NRG3: variants seen among roughly 807,000 people sequenced by gnomAD.
The protein encoded by NRG3 is neuregulin 3.
NRG3 carries 31 observed loss-of-function variants against 66.9 expected under a neutral mutation model. The observed-to-expected ratio is 0.46, with a 90% CI of 0.35 to 0.63. The LOEUF (loss-of-function observed/expected upper bound fraction) is 0.63, where lower values mean the gene tolerates loss of function less well. Among genes scored for constraint, NRG3 ranks in the 20% least tolerant of loss-of-function variants. The pLI, the probability that NRG3 is intolerant of heterozygous loss-of-function variation, is 0.00. For synonymous variants in NRG3, 393 were observed against 359.4 expected (o/e 1.09, Z -1.06); for missense variants, 910 against 878.9 (o/e 1.04, Z -0.45).
intron 1 of NRG3, among the ~76,000 whole-genome samples, chr10:82,208,925 T>C (rs993985457): frequency 6.6e-6 from 1 of 152,156 alleles, no homozygotes; most frequent in Non-Finnish European, 1.5e-5. Context: ...ATATGGTCCA[T>C]GTTCATCAGC....
chr10:82,264,657 C>G (rs933959925), intron 1 of NRG3, among the ~76,000 whole-genome samples: 1 of 152,082 alleles, frequency 6.6e-6, no homozygotes, highest in African/African-American at 2.4e-5. Context: ...GAAGATTTAA[C>G]AATGTTGCCA....
chr10:82,160,041 T>C (rs1411384969), intron 1 of NRG3, among the ~76,000 whole-genome samples: 1 of 151,954 alleles, frequency 6.6e-6, no homozygotes, highest in African/African-American at 2.4e-5. Context: ...TGTTTGTTTG[T>C]TTGTTTTAGT....
At chr10:82,686,985 C>T (rs2054565700) in intron 2 of NRG3, among the ~76,000 whole-genome samples, 1 of 152,210 alleles carries the variant, frequency 6.6e-6, no homozygotes, top group Non-Finnish European at 1.5e-5. Flanking sequence ...GAGAACCATA[C>T]TTGGGTCCAA....
At chr10:82,553,415 A>G (rs533884066) in intron 2 of NRG3, among the ~76,000 whole-genome samples, 2 of 152,216 alleles carry the variant, frequency 1.3e-5, no homozygotes, top group Non-Finnish European at 2.9e-5. Flanking sequence ...TTTATATCAT[A>G]TCCATCTTTC....
chr10:82,358,998 C>G (rs771057615), intron 2 of NRG3, 130 bp downstream of exon 2: 1 of 1,296,100 alleles, frequency 7.7e-7, no homozygotes, highest in African/African-American at 1.5e-5. Context: ...AGCAGAATTG[C>G]GAGTCTTAAT....
intron 1 of NRG3, among the ~76,000 whole-genome samples, chr10:82,128,887 G>A (rs2068629439): frequency 6.6e-6 from 1 of 151,984 alleles, no homozygotes; most frequent in Non-Finnish European, 1.5e-5. Flanking sequence ...CTGTGTGTAT[G>A]CTGTCATCTT....
intron 1 of NRG3, among the ~76,000 whole-genome samples, chr10:81,979,215 T>G (rs903369212): frequency 1.3e-5 from 2 of 149,842 alleles, no homozygotes; most frequent in African/African-American, 4.9e-5. Flanking sequence ...AAAAAAAATT[T>G]CCTGTCTGTC....
chr10:82,568,626 C>T (rs652693), intron 2 of NRG3, among the ~76,000 whole-genome samples: 12,791 of 151,678 alleles, frequency 0.084, 622 homozygotes, highest in East Asian at 0.14. Context: ...TTAGGCATAT[C>T]GAAGAGCCAG....
chr10:82,628,616 GA>G (rs376189324), intron 2 of NRG3, among the ~76,000 whole-genome samples: 19 of 145,822 alleles, frequency 1.3e-4, no homozygotes, highest in Middle Eastern at 3.5e-3. Flanking sequence ...TTTACTGCAA[GA>G]AAAAAAAAAG....
intron 4 of NRG3, among the ~76,000 whole-genome samples, chr10:82,940,892 A>G (rs773539199): frequency 5.3e-5 from 8 of 152,152 alleles, no homozygotes; most frequent in Non-Finnish European, 1.2e-4. Flanking sequence ...GGGCACACCA[A>G]TATTCAGACC....
At chr10:82,028,678 TCTGGG>T (rs2062427225) in intron 1 of NRG3, among the ~76,000 whole-genome samples, 1 of 152,088 alleles carries the variant, frequency 6.6e-6, no homozygotes, top group Admixed American at 6.6e-5. Context: ...AAACCCTCAC[TCTGGG>T]GTGCTTATTG....
chr10:82,865,368 C>T, intron 3 of NRG3, 43 bp from the exon 4 acceptor site: 2 of 1,608,234 alleles, frequency 1.2e-6, no homozygotes, highest in Non-Finnish European at 1.7e-6. Context: ...TAACCTTTTT[C>T]TCTTTTTCTC....
At chr10:82,846,324 G>A (rs1196720948) in intron 3 of NRG3, among the ~76,000 whole-genome samples, 1 of 152,174 alleles carries the variant, frequency 6.6e-6, no homozygotes, top group Non-Finnish European at 1.5e-5. Flanking sequence ...TGGAAGAGAA[G>A]ATAAGACAAC....
At chr10:82,009,173 T>G (rs2061483815) in intron 1 of NRG3, among the ~76,000 whole-genome samples, 1 of 152,228 alleles carries the variant, frequency 6.6e-6, no homozygotes, top group Admixed American at 6.5e-5. Context: ...AATAAAATGT[T>G]AATGTGTATT....
At chr10:82,618,394 G>T (rs1387441216) in intron 2 of NRG3, among the ~76,000 whole-genome samples, 1 of 152,112 alleles carries the variant, frequency 6.6e-6, no homozygotes. Context: ...ACAATCCAAA[G>T]TTGAATGAAG....
intron 1 of NRG3, among the ~76,000 whole-genome samples, chr10:81,917,664 A>C (rs73304596): frequency 0.019 from 2,878 of 152,328 alleles, 80 homozygotes; most frequent in African/African-American, 0.063. Flanking sequence ...CATGTACTTG[A>C]AATATTAACT....
At chr10:82,583,309 T>G (rs866501048) in intron 2 of NRG3, among the ~76,000 whole-genome samples, 8 of 152,176 alleles carry the variant, frequency 5.3e-5, no homozygotes, top group Non-Finnish European at 8.8e-5. Context: ...TAATACTGAT[T>G]CAGTAACAGT....
rs574036328 is a variant in NRG3, at chr10:82,536,862, A to AT, written c.953+177999dup. ...TATTAAATAATTTTTATTATTAAATATTTTTATTATTAAATTGATTTTATT... is the reference window on the plus strand; with the variant it reads ...TATTAAATAATTTTTATTATTAAATATTTTTTATTATTAAATTGATTTTATT... On this transcript the variant is annotated intron_variant, in intron 2 of 8. Coordinates refer to ENST00000372141, the MANE Select transcript of NRG3 (RefSeq NM_001010848.4). 4.3e-3 allele frequency among the ~76,000 whole-genome samples: 649 copies of AT among 151,312 alleles called. 4 individuals carry two copies. The highest frequency in any genetic ancestry group is 0.015 in the African/African-American group (631 of 41,492).
At chr10:82,320,674 G>A (rs185272975) in intron 1 of NRG3, among the ~76,000 whole-genome samples, 14 of 152,244 alleles carry the variant, frequency 9.2e-5, no homozygotes, top group African/African-American at 2.9e-4. Context: ...CAGGTCTGGG[G>A]TAGAGACAGA....
Sources: gnomAD v4.1 joint callset for allele counts (sites outside exome capture counted in the v4.1 genomes callset) on GRCh38, gnomAD v4.1.1 for gene constraint, MANE v1.5 for transcripts, NCBI Gene and HGNC (gene_info 2026-07-23, HGNC 2026-07-21) for gene names.